Variants in PDK1 observed in about 807,000 individuals in gnomAD.
The protein encoded by PDK1 is [Pyruvate dehydrogenase (acetyl-transferring)] kinase isozyme 1, mitochondrial.
Under a neutral mutation model 54.2 loss-of-function variants are expected in PDK1, and 39 were observed. That is an observed-to-expected ratio of 0.72 (90% CI 0.56 to 0.94). The LOEUF (loss-of-function observed/expected upper bound fraction) is 0.94. Among genes scored for constraint, PDK1 ranks in the 40% least tolerant of loss-of-function variants. The pLI, the probability that PDK1 is intolerant of heterozygous loss-of-function variation, is 0.00. For synonymous variants in PDK1, 221 were observed against 207.1 expected (o/e 1.07, Z -0.58); for missense variants, 552 against 566.0 (o/e 0.98, Z 0.25).
the PDK1 span, among the ~76,000 whole-genome samples, chr2:172,633,304 T>C: frequency 6.6e-6 from 1 of 151,750 alleles, no homozygotes; most frequent in Non-Finnish European, 1.5e-5. Flanking sequence ...TGCCGTGACC[T>C]TCCAAAGCAC....
rs1299920919 is a variant in PDK1, at chr2:172,604,911, C to T, written c.*8942C>T. 6.6e-6 allele frequency: 1 copy of T among 152,144 alleles called. No individual in the cohort carries two copies. Among genetic ancestry groups the T allele is most frequent in the Non-Finnish European group, 1.5e-5 (1 of 68,036 alleles). The allele number at this position is 152,144 out of a possible 1,614,324, so 9.4% of individuals were successfully genotyped here. A position where few individuals can be genotyped will look rare whatever the true frequency, so the allele number is the denominator to read the frequency against. ...ATTAGGGGCATTGATCTCTGATGCC[C>T]TTTTCTTTCTTATCTTCCAAATGGC... On this transcript the variant is annotated 3_prime_UTR_variant, in exon 11 of 11. Transcript: ENST00000282077.
chr2:172,623,519 C>A, the PDK1 span, among the ~76,000 whole-genome samples: 1 of 152,170 alleles, frequency 6.6e-6, no homozygotes, highest in African/African-American at 2.4e-5. Context: ...TCGCTCATGA[C>A]TGGCAATATT....
intron 8 of PDK1, among the ~76,000 whole-genome samples, chr2:172,584,645 CTTTTT>C (rs35773197): frequency 2.2e-5 from 2 of 90,336 alleles, no homozygotes; most frequent in Non-Finnish European, 2.2e-5. Context: ...AAGGTACATG[CTTTTT>C]TTTTTTTTTT....
intron 8 of PDK1, among the ~76,000 whole-genome samples, chr2:172,575,848 A>G (rs920345374): frequency 1.3e-5 from 2 of 152,110 alleles, no homozygotes; most frequent in Non-Finnish European, 2.9e-5. Context: ...AAATAAATAA[A>G]TATAAACAAT....
At chr2:172,585,669 T>A (rs1252381072) in intron 8 of PDK1, among the ~76,000 whole-genome samples, 2 of 152,140 alleles carry the variant, frequency 1.3e-5, no homozygotes, top group Non-Finnish European at 2.9e-5. Flanking sequence ...AGATTTATAG[T>A]TACATACAAG....
At chr2:172,659,347 G>A in the PDK1 span, among the ~76,000 whole-genome samples, 1 of 152,066 alleles carries the variant, frequency 6.6e-6, no homozygotes, top group Non-Finnish European at 1.5e-5. Context: ...CCTAGCCCAA[G>A]GCCCTTTGCT....
At chr2:172,594,162 C>T (rs929559061) in intron 10 of PDK1, among the ~76,000 whole-genome samples, 2 of 151,592 alleles carry the variant, frequency 1.3e-5, no homozygotes, top group African/African-American at 4.8e-5. Flanking sequence ...CTCAGCCTTC[C>T]GAATAGCTGG....
At chr2:172,660,530 T>G in the PDK1 span, among the ~76,000 whole-genome samples, 1 of 152,024 alleles carries the variant, frequency 6.6e-6, no homozygotes, top group Non-Finnish European at 1.5e-5. Context: ...GTGCTAAGAT[T>G]ACAGGTGTGA....
At position 172,592,956 on chromosome 2, in the gene PDK1, C is replaced by T. The variant is rs1354666236; in HGVS notation, c.1078C>T (p.Pro360Ser). The T allele has an allele frequency of 1.2e-6, 2 of 1,610,054 alleles. No individual in the cohort carries two copies. Among genetic ancestry groups the T allele is most frequent in the Admixed American group, 1.7e-5 (1 of 59,952 alleles). ...ACAGGCTGGTTTTGGTTATGGATTG[C>T]CCATATCACGTCTTTACGCACAATA... is the stretch of plus-strand genomic sequence containing the variant. The part of the protein sequence containing the change: ...VPLAGFGYGL[P>S]ISRLYAQYFQ... Residue 360 changes from proline (P) to serine (S), a missense_variant, in exon 10 of 11, where the codon CCC becomes TCC. Pro to Ser is a moderately conservative substitution (Grantham distance 74, BLOSUM62 -1). Transcript: ENST00000282077.
At chr2:172,584,549 C>T (rs1399862418) in intron 8 of PDK1, among the ~76,000 whole-genome samples, 4 of 150,834 alleles carry the variant, frequency 2.7e-5, no homozygotes, top group Non-Finnish European at 5.9e-5. Flanking sequence ...CTGCATAGAG[C>T]TGTGATGGAT....
At chr2:172,700,275 C>A in the PDK1 span, among the ~76,000 whole-genome samples, 5 of 152,178 alleles carry the variant, frequency 3.3e-5, no homozygotes, top group East Asian at 9.6e-4. Context: ...GTTGGGTACA[C>A]CTCCCAGACG....
chr2:172,706,744 C>T, the PDK1 span, among the ~76,000 whole-genome samples: 1 of 152,202 alleles, frequency 6.6e-6, no homozygotes, highest in Non-Finnish European at 1.5e-5. Flanking sequence ...TGTCTTTTCT[C>T]ATCCTTTTGG....
the PDK1 span, among the ~76,000 whole-genome samples, chr2:172,622,489 TTA>T: frequency 7.2e-6 from 1 of 139,222 alleles, no homozygotes; most frequent in African/African-American, 2.5e-5. Context: ...TGAGATATGT[TTA>T]TATCTCATAT....
Position 172,565,668 on chromosome 2 carries a change from G to A in PDK1, c.691+595G>A, listed in dbSNP as rs75104213. Among the ~76,000 whole-genome samples, 1,359 of 152,166 alleles carry A rather than the reference G, an allele frequency of 8.9e-3. 29 individuals are homozygous for A. Among genetic ancestry groups the A allele is most frequent in the African/African-American group, 0.032 (1,312 of 41,508 alleles). On this transcript the variant is annotated intron_variant, in intron 5 of 10. Transcript: ENST00000282077. ...CCTGTTTCTAATTCTTACACTATGAGCAGTAATTCATAACAATTTGGTTTG... is the reference window on the plus strand; with the variant it reads ...CCTGTTTCTAATTCTTACACTATGAACAGTAATTCATAACAATTTGGTTTG...
At chr2:172,580,741 G>T (rs558907353) in intron 8 of PDK1, among the ~76,000 whole-genome samples, 2 of 152,288 alleles carry the variant, frequency 1.3e-5, no homozygotes, top group Middle Eastern at 3.4e-3. Flanking sequence ...ACAAAATGTG[G>T]TATGTCCATA....
the PDK1 span, among the ~76,000 whole-genome samples, chr2:172,654,800 G>A: frequency 2.6e-5 from 4 of 152,094 alleles, no homozygotes; most frequent in Non-Finnish European, 4.4e-5. Context: ...ACTCTGCCTC[G>A]TGGAAAACCC....
the PDK1 span, among the ~76,000 whole-genome samples, chr2:172,644,604 G>A: frequency 6.6e-6 from 1 of 152,210 alleles, no homozygotes; most frequent in African/African-American, 2.4e-5. Context: ...TGGATAATAA[G>A]CACAGTTTAA....
the PDK1 span, among the ~76,000 whole-genome samples, chr2:172,715,815 C>T: frequency 2.6e-5 from 4 of 152,128 alleles, no homozygotes; most frequent in Non-Finnish European, 5.9e-5. Context: ...AGGTCATACT[C>T]ATCTTAATGT....
At chr2:172,572,341 T>C (rs1373688639) in intron 8 of PDK1, among the ~76,000 whole-genome samples, 1 of 152,272 alleles carries the variant, frequency 6.6e-6, no homozygotes, top group South Asian at 2.1e-4. Flanking sequence ...GTTCCTTTTT[T>C]AAAAAAGGTA....
Sources: gnomAD v4.1 joint callset for allele counts (sites outside exome capture counted in the v4.1 genomes callset) on GRCh38, gnomAD v4.1.1 for gene constraint, MANE v1.5 for transcripts, NCBI Gene and HGNC (gene_info 2026-07-23, HGNC 2026-07-21) for gene names.